The following GOLGA8B variants were observed in gnomAD, a reference collection of about 807,000 sequenced individuals.
GOLGA8B encodes golgin subfamily A member 8B.
GOLGA8B carries 1 observed loss-of-function variant against 15.6 expected under a neutral mutation model. The ratio of observed to expected loss-of-function variants is 0.06; its 90% CI spans 0.02 to 0.30. The LOEUF (loss-of-function observed/expected upper bound fraction) is 0.30. GOLGA8B is among the 10% of genes least tolerant of loss of function. The pLI is 1.00. For missense variants in GOLGA8B, 17 were observed against 201.3 expected, an observed-to-expected ratio of 0.08 and a Z score of 5.54; for synonymous variants, 9 against 80.3, an observed-to-expected ratio of 0.11 and a Z score of 4.75.
intron 1 of GOLGA8B, among the ~76,000 whole-genome samples, chr15:34,576,386 C>T (rs1013365930): frequency 1.2e-4 from 18 of 152,268 alleles, no homozygotes; most frequent in South Asian, 2.1e-4. Flanking sequence ...CTGAAAACTG[C>T]GAAAGCCCAA....
intron 1 of GOLGA8B, among the ~76,000 whole-genome samples, chr15:34,564,633 C>T (rs1271359760): frequency 6.9e-6 from 1 of 145,622 alleles, no homozygotes; most frequent in East Asian, 1.9e-4. Context: ...TCTGCACTGA[C>T]CAAATAGAAG....
intron 1 of GOLGA8B, among the ~76,000 whole-genome samples, chr15:34,579,593 T>C (rs1889174954): frequency 6.6e-6 from 1 of 152,204 alleles, no homozygotes; most frequent in Non-Finnish European, 1.5e-5. Context: ...CGTTCTCCTC[T>C]GGCCTATGTG....
chr15:34,559,330 ATGG>A (rs1459450529), intron 1 of GOLGA8B, among the ~76,000 whole-genome samples: 60 of 147,028 alleles, frequency 4.1e-4, no homozygotes, highest in Non-Finnish European at 6.5e-4. Context: ...CTGGAGATGC[ATGG>A]TGGTGAAGAC....
chr15:34,554,069 A>T (rs1888423706), intron 1 of GOLGA8B, 113 bp from the exon 2 acceptor site: 2 of 140,430 alleles, frequency 1.4e-5, no homozygotes. Context: ...GTGTCGTTGT[A>T]GGACAGTCCC....
intron 1 of GOLGA8B, among the ~76,000 whole-genome samples, chr15:34,580,771 G>A (rs1889206055): frequency 6.6e-6 from 1 of 152,160 alleles, no homozygotes; most frequent in Admixed American, 6.5e-5. Context: ...GGAACATTGA[G>A]CACCCCCAGC....
chr15:34,572,505 T>G (rs956491162), intron 1 of GOLGA8B, among the ~76,000 whole-genome samples: 2 of 152,362 alleles, frequency 1.3e-5, no homozygotes, highest in Middle Eastern at 3.4e-3. Context: ...ACACAGCTGG[T>G]GAGCGGATCG....
intron 1 of GOLGA8B, among the ~76,000 whole-genome samples, chr15:34,575,364 C>A (rs62004901): frequency 0.18 from 27,291 of 151,162 alleles, 3,007 homozygotes; most frequent in Non-Finnish European, 0.26. Context: ...TCAACACACC[C>A]CTGACCGCGT....
chr15:34,566,260 T>C (rs1388056878), intron 1 of GOLGA8B: 1 of 141,884 alleles, frequency 7.0e-6, no homozygotes, highest in Non-Finnish European at 1.6e-5. Flanking sequence ...TGGATGGTGG[T>C]GATGGTTGCA....
chr15:34,572,154 C>A (rs1317026411), intron 1 of GOLGA8B, among the ~76,000 whole-genome samples: 1 of 152,182 alleles, frequency 6.6e-6, no homozygotes, highest in Admixed American at 6.5e-5. Context: ...CTGATCATGT[C>A]CAGAGAGTGT....
intron 1 of GOLGA8B, among the ~76,000 whole-genome samples, chr15:34,569,672 C>T (rs1245347009): frequency 1.3e-5 from 2 of 151,724 alleles, no homozygotes; most frequent in Non-Finnish European, 1.5e-5. Flanking sequence ...TGTTAACACC[C>T]TGAACAAAGA....
intron 1 of GOLGA8B, among the ~76,000 whole-genome samples, chr15:34,554,574 G>A (rs796668764): frequency 9.6e-5 from 11 of 114,866 alleles, no homozygotes; most frequent in South Asian, 3.5e-4. Flanking sequence ...CACACCACAC[G>A]CACATATCAC....
intron 1 of GOLGA8B, among the ~76,000 whole-genome samples, chr15:34,582,213 A>G (rs970153565): frequency 3.3e-5 from 5 of 152,082 alleles, no homozygotes; most frequent in Non-Finnish European, 7.4e-5. Flanking sequence ...GGGAGGGGAG[A>G]AACCCCTGCC....
At chr15:34,571,347 T>C (rs1031692616) in intron 1 of GOLGA8B, among the ~76,000 whole-genome samples, 3 of 152,084 alleles carry the variant, frequency 2.0e-5, no homozygotes, top group African/African-American at 7.2e-5. Flanking sequence ...AAAGCTTATC[T>C]ATTCAAAGGA....
chr15:34,571,323 A>C (rs907295203), intron 1 of GOLGA8B, among the ~76,000 whole-genome samples: 4 of 151,774 alleles, frequency 2.6e-5, no homozygotes, highest in Non-Finnish European at 5.9e-5. Flanking sequence ...AAAATAAATT[A>C]ATTAAAAAAA....
chr15:34,566,282 G>A (rs1888755432), intron 1 of GOLGA8B: 2 of 141,930 alleles, frequency 1.4e-5, no homozygotes, highest in Admixed American at 1.4e-4. Context: ...AACACTCTGA[G>A]TGTATTTAAT....
intron 1 of GOLGA8B, among the ~76,000 whole-genome samples, chr15:34,569,932 T>C (rs1174589134): frequency 1.3e-5 from 2 of 152,114 alleles, no homozygotes; most frequent in African/African-American, 4.8e-5. Context: ...CAGTGGAAAT[T>C]TGGTGGCACG....
At chr15:34,569,941 CG>C (rs973405677) in intron 1 of GOLGA8B, among the ~76,000 whole-genome samples, 3 of 152,126 alleles carry the variant, frequency 2.0e-5, no homozygotes, top group African/African-American at 7.2e-5. Flanking sequence ...TTTGGTGGCA[CG>C]GGCAGCATCT....
intron 1 of GOLGA8B, among the ~76,000 whole-genome samples, chr15:34,576,936 C>A (rs915973596): frequency 6.6e-6 from 1 of 152,000 alleles, no homozygotes; most frequent in Non-Finnish European, 1.5e-5. Context: ...AACAGTTGCA[C>A]ACATCTCATC....
At chr15:34,553,996 G>T (rs950705152) in intron 1 of GOLGA8B, 40 bp from the exon 2 acceptor site, 2 of 105,560 alleles carry the variant, frequency 1.9e-5, no homozygotes, top group African/African-American at 7.5e-5. Context: ...CATTCAGAAA[G>T]GTTTCACATT....
Sources: gnomAD v4.1 joint callset for allele counts (sites outside exome capture counted in the v4.1 genomes callset) on GRCh38, gnomAD v4.1.1 for gene constraint, MANE v1.5 for transcripts, NCBI Gene and HGNC (gene_info 2026-07-23, HGNC 2026-07-21) for gene names.